LMO7: variants seen among roughly 807,000 people sequenced by gnomAD.
LMO7 encodes the protein LIM domain 7.
In LMO7, 120 loss-of-function variants were observed where a neutral mutation model predicts 206.5. The observed-to-expected ratio is 0.58, with a 90% CI of 0.50 to 0.68. The LOEUF (loss-of-function observed/expected upper bound fraction) is 0.68. LMO7 is among the 30% of genes least tolerant of loss of function. The pLI, the probability that LMO7 is intolerant of heterozygous loss-of-function variation, is 0.00. For missense variants in LMO7, 1,959 were observed against 1,957.9 expected, an observed-to-expected ratio of 1.00 and a Z score of -0.01; for synonymous variants, 706 against 681.5, an observed-to-expected ratio of 1.04 and a Z score of -0.56.
At chr13:75,793,309 C>G (rs944817871) in intron 4 of LMO7, among the ~76,000 whole-genome samples, 1 of 152,134 alleles carries the variant, frequency 6.6e-6, no homozygotes, top group Non-Finnish European at 1.5e-5. Flanking sequence ...GAGTCTTGCT[C>G]TTGTCGCCCA....
At chr13:75,733,418 G>T (rs774766219) in intron 3 of LMO7, among the ~76,000 whole-genome samples, 27 of 152,222 alleles carry the variant, frequency 1.8e-4, no homozygotes, top group Non-Finnish European at 2.8e-4. Context: ...GTGGGCGTAG[G>T]ACCCTCCGAG....
intron 3 of LMO7, among the ~76,000 whole-genome samples, chr13:75,737,752 CA>C (rs374266925): frequency 0.26 from 9,219 of 35,110 alleles, 1,062 homozygotes; most frequent in South Asian, 0.47. Context: ...GACTCCGTCT[CA>C]AAAAAAAAAA....
chr13:75,698,295 A>T (rs1251046968), intron 1 of LMO7, among the ~76,000 whole-genome samples: 1 of 151,840 alleles, frequency 6.6e-6, no homozygotes, highest in African/African-American at 2.4e-5. Context: ...CATATATGTA[A>T]TATAATATAC....
At chr13:75,665,870 G>A (rs909357698) in intron 1 of LMO7, among the ~76,000 whole-genome samples, 3 of 152,108 alleles carry the variant, frequency 2.0e-5, no homozygotes, top group Non-Finnish European at 4.4e-5. Context: ...TTCAATGTTG[G>A]GGGCCAGAAA....
chr13:75,626,590 TATAAA>T (rs1424239843), intron 2 of LMO7, among the ~76,000 whole-genome samples: 6 of 120,312 alleles, frequency 5.0e-5, no homozygotes, highest in South Asian at 2.5e-4. Flanking sequence ...TATATATATA[TATAAA>T]TTTTTTTGAG....
At chr13:75,741,466 G>A (rs566625719) in intron 3 of LMO7, among the ~76,000 whole-genome samples, 176 of 152,242 alleles carry the variant, frequency 1.2e-3, no homozygotes, top group Non-Finnish European at 2.2e-3. Context: ...GATGAACATC[G>A]ATGCAAAAAT....
chr13:75,797,356 C>T (rs2054159856), intron 6 of LMO7, among the ~76,000 whole-genome samples: 1 of 152,166 alleles, frequency 6.6e-6, no homozygotes, highest in African/African-American at 2.4e-5. Flanking sequence ...CTTTTGAATG[C>T]TTGAGGATCA....
chr13:75,753,063 A>G (rs1403446973), intron 3 of LMO7, among the ~76,000 whole-genome samples: 1 of 152,202 alleles, frequency 6.6e-6, no homozygotes, highest in Non-Finnish European at 1.5e-5. Context: ...GTGTATAAGC[A>G]TTCCTGTTTC....
chr13:75,710,201 G>A (rs893760950), intron 1 of LMO7, among the ~76,000 whole-genome samples: 10 of 152,258 alleles, frequency 6.6e-5, no homozygotes, highest in African/African-American at 2.2e-4. Context: ...GGTTACTATA[G>A]CCTTGTAGTA....
chr13:75,679,642 G>A (rs1316567307), intron 1 of LMO7, among the ~76,000 whole-genome samples: 1 of 152,182 alleles, frequency 6.6e-6, no homozygotes, highest in Non-Finnish European at 1.5e-5. Context: ...GTGCAGTGGT[G>A]TGATCACAGC....
chr13:75,676,502 C>T (rs1380129536), intron 1 of LMO7, among the ~76,000 whole-genome samples: 2 of 152,132 alleles, frequency 1.3e-5, no homozygotes, highest in Non-Finnish European at 2.9e-5. Context: ...TAATGTAACA[C>T]CGGGGTGGAG....
chr13:75,785,128 A>G (rs1206628223), intron 4 of LMO7, among the ~76,000 whole-genome samples: 1 of 152,136 alleles, frequency 6.6e-6, no homozygotes, highest in African/African-American at 2.4e-5. Flanking sequence ...GAAAGAAATT[A>G]TTGGCAACAG....
At position 75,840,045 on chromosome 13, in the gene LMO7, A is replaced by C. The variant is rs201978728; in HGVS notation, c.3452-40A>C. 3.8e-5 allele frequency: 61 copies of C among 1,597,552 alleles called. No homozygotes were observed. In the East Asian group the frequency reaches 1.1e-3, roughly 28 times the overall value. On this transcript the variant is annotated intron_variant, in intron 20 of 30. Coordinates refer to ENST00000377534, the MANE Select transcript of LMO7 (RefSeq NM_001306080.2). ...TTATTTCATAGAAATGAAGACTTAT[A>C]TTGTATATTTTTCTTCCTTGCCCAT...
chr13:75,755,568 C>T (rs2047625575), intron 3 of LMO7, among the ~76,000 whole-genome samples: 1 of 152,130 alleles, frequency 6.6e-6, no homozygotes, highest in Non-Finnish European at 1.5e-5. Context: ...CAATGACTAC[C>T]AATGTGTGCT....
In LMO7 at chr13:75,626,569, CATATATATT is replaced by C. The variant is rs1353686732; in HGVS notation, c.225+3258_225+3266del. On this transcript the variant is annotated intron_variant, in intron 2 of 29. Coordinates refer to the LMO7 transcript ENST00000341547. ...CAAACCATATTGTCTACCCTCTTAA[CATATATATT>C]ATATATATATATATAAATTTTTTTG... Among the ~76,000 whole-genome samples the C allele has an allele frequency of 1.0e-3, 88 of 86,964 alleles. 9 individuals are homozygous for C. Among genetic ancestry groups the C allele is most frequent in the African/African-American group, 3.6e-3 (80 of 22,150 alleles). The allele number at this position is 86,964 out of a possible 152,430, so 57.1% of individuals were successfully genotyped here. A position where few individuals can be genotyped will look rare whatever the true frequency, so the allele number is the denominator to read the frequency against.
intron 15 of LMO7, among the ~76,000 whole-genome samples, chr13:75,828,500 G>A (rs1202653267): frequency 6.6e-6 from 1 of 152,162 alleles, no homozygotes; most frequent in Non-Finnish European, 1.5e-5. Context: ...GGACAGAAAT[G>A]TCTTTTGGTC....
intron 1 of LMO7, among the ~76,000 whole-genome samples, chr13:75,662,689 A>G (rs1368591806): frequency 6.6e-6 from 1 of 152,226 alleles, no homozygotes; most frequent in East Asian, 1.9e-4. Context: ...GAAGCTGATT[A>G]TTTAACCAGG....
chr13:75,701,891 T>C (rs2042307301), intron 1 of LMO7, among the ~76,000 whole-genome samples: 1 of 152,194 alleles, frequency 6.6e-6, no homozygotes, highest in African/African-American at 2.4e-5. Context: ...TTTTGATGGA[T>C]TGATGAAACC....
At chr13:75,691,552 C>A (rs1042572925) in intron 1 of LMO7, among the ~76,000 whole-genome samples, 4 of 152,108 alleles carry the variant, frequency 2.6e-5, no homozygotes, top group African/African-American at 9.7e-5. Context: ...TCACTCTGGC[C>A]TCTGGAGCAG....
Sources: allele counts gnomAD v4.1 joint callset (sites outside exome capture counted in the v4.1 genomes callset), GRCh38; gene constraint gnomAD v4.1.1; transcripts MANE v1.5; gene names NCBI Gene and HGNC (gene_info 2026-07-23, HGNC 2026-07-21).